DDX23: variants seen among roughly 807,000 people sequenced by gnomAD.
DDX23 encodes DEAD-box helicase 23, also known as probable ATP-dependent RNA helicase DDX23.
DDX23 carries 33 observed loss-of-function variants against 102.7 expected under a neutral mutation model. The ratio of observed to expected loss-of-function variants is 0.32; its 90% CI spans 0.24 to 0.43. The LOEUF is 0.43. Ranked by LOEUF, DDX23 falls within the 20% of genes least tolerant of loss-of-function variation. DDX23 has a pLI of 1.00. For synonymous variants in DDX23, 352 were observed against 376.0 expected (o/e 0.94, Z 0.74); for missense variants, 549 against 1,086.6 (o/e 0.51, Z 6.96).
rs1242140164 is a variant in DDX23 at position 48,837,798 on chromosome 12, A to G, written c.620-141T>C. 2.0e-6 allele frequency: 3 copies of G among 1,530,994 alleles called. No homozygotes were observed. The African/African-American group carries it at 4.2e-5, about 21-fold the overall frequency. The allele number at this position is 1,530,994 out of a possible 1,614,324, so 94.8% of individuals were successfully genotyped here. Reference sequence around the variant, plus strand: ...TATGGGGTAAATGGAGATCTAACAGAAAAATGTTTTCTCATAAACTCCCAC... The same window carrying G: ...TATGGGGTAAATGGAGATCTAACAGGAAAATGTTTTCTCATAAACTCCCAC... On this transcript the variant is annotated intron_variant, in intron 6 of 16. Coordinates refer to ENST00000308025, the MANE Select transcript of DDX23 (RefSeq NM_004818.3).
chr12:48,839,908 G>T lies in DDX23; in HGVS notation c.416C>A (p.Ala139Asp). 1 of 1,614,140 alleles carries T rather than the reference G, an allele frequency of 6.2e-7. No homozygotes were observed. The highest frequency in any genetic ancestry group is 1.1e-5 in the South Asian group (1 of 91,084). ...EDEHGDKKPK[A>D]QPLSLEELLA... ...AAGCTCCTCCAGGGATAATGGCTGG[G>T]CCTGAAGATAAAACAGAACTTTAGT... The change falls in exon 5 of 17, where the codon GCC becomes GAC. Residue 139 changes from alanine (A) to aspartate (D), a missense_variant and splice_region_variant. Coordinates refer to ENST00000308025, the MANE Select transcript of DDX23 (RefSeq NM_004818.3).
rs548880589 is a variant in DDX23 at position 48,838,801 on chromosome 12, C to T, written c.481-721G>A. ...CTGGGAGGCAGAGGTTGCAGTGAGC[C>T]GAGATCATGCCACTGCACTCCAGCC... On this transcript the variant is annotated intron_variant, in intron 5 of 16. Coordinates refer to ENST00000308025, the MANE Select transcript of DDX23 (RefSeq NM_004818.3). Among the ~76,000 whole-genome samples the T allele has an allele frequency of 2.0e-5, 3 of 151,906 alleles. No homozygotes were observed. In the South Asian group the frequency reaches 6.3e-4, roughly 32 times the overall value.
In DDX23 at chr12:48,833,393, C is replaced by A; in HGVS notation, c.1687G>T (p.Val563Phe). The A allele has an allele frequency of 6.2e-7, 1 of 1,614,230 alleles. No individual in the cohort carries two copies. The highest frequency in any genetic ancestry group is 8.5e-7 in the Non-Finnish European group (1 of 1,180,042). ...RMIDMGFEPD[V>F]QKILEHMPVS... is the part of the protein sequence containing the mutation. ...GGCATGTGCTCCAGGATCTTCTGGA[C>A]ATCTGGCTCAAAGCCCATGTCAATC... The change falls in exon 13 of 17, where the codon GTC becomes TTC. Residue 563 changes from valine (V) to phenylalanine (F), a missense_variant. Val to Phe is a conservative substitution (Grantham distance 50). Around this residue, in one of 4 missense-constraint regions of DDX23, gnomAD observed 270 missense variants for 707.0 expected, o/e 0.38. Transcript: ENST00000308025.
rs114757158 is a variant in DDX23 at position 48,844,641 on chromosome 12, T to A, written c.210-591A>T. ...TACTAGTTCCCTCTCAACTTTTTTT[T>A]TTTTTATTTTTAGTAGAGATCAGGT... On this transcript the variant is annotated intron_variant, in intron 2 of 16. Coordinates refer to ENST00000308025, the MANE Select transcript of DDX23 (RefSeq NM_004818.3). Among the ~76,000 whole-genome samples the A allele has an allele frequency of 7.8e-3, 1,180 of 150,946 alleles. 10 individuals carry two copies. Among genetic ancestry groups the A allele is most frequent in the African/African-American group, 0.021 (869 of 41,072 alleles).
intron 13 of DDX23, chr12:48,833,053 A>C: frequency 1.7e-6 from 1 of 592,032 alleles, no homozygotes; most frequent in Non-Finnish European, 2.9e-6. Context: ...GCACGACCTC[A>C]GCTCACTGCG....
intron 1 of DDX23, among the ~76,000 whole-genome samples, chr12:48,851,494 G>C (rs534021729): frequency 6.6e-6 from 1 of 151,424 alleles, no homozygotes; most frequent in South Asian, 2.1e-4. Flanking sequence ...GAAAAGAAAA[G>C]AAAAAAAAGA....
At chr12:48,834,215 C>A in intron 12 of DDX23, 105 bp downstream of exon 12, 4 of 1,093,696 alleles carry the variant, frequency 3.7e-6, no homozygotes, top group Non-Finnish European at 5.2e-6. Context: ...ATATATAAAC[C>A]AGCTCCTTTC....
rs1362281248 is a variant in DDX23, at chr12:48,830,241, C to A, written c.*228G>T. The stretch of plus-strand genomic sequence containing the variant: ...AAAGCAAAGAAGGGCAGAACTGGGC[C>A]AAGAAGCTGTGGTAATTTGCTCTCC... On this transcript the variant is annotated 3_prime_UTR_variant, in exon 17 of 17. Coordinates refer to ENST00000308025, the MANE Select transcript of DDX23 (RefSeq NM_004818.3). This position sits in a 1 kb window ranked among gnomAD's most constrained non-coding sequence, Gnocchi z 4.9. The A allele has an allele frequency of 3.0e-6, 2 of 663,134 alleles. No homozygotes were observed. Among genetic ancestry groups the A allele is most frequent in the Non-Finnish European group, 5.5e-6 (2 of 361,996 alleles). The allele number at this position is 663,134 out of a possible 1,614,324, so 41.1% of individuals were successfully genotyped here. A position where few individuals can be genotyped will look rare whatever the true frequency, so the allele number is the denominator to read the frequency against.
At position 48,832,628 on chromosome 12, in the gene DDX23, A is replaced by G; in HGVS notation, c.1804-55T>C. 1 of 1,590,694 alleles carries G rather than the reference A, an allele frequency of 6.3e-7. No homozygotes were observed. Among genetic ancestry groups the G allele is most frequent in the South Asian group, 1.1e-5 (1 of 89,050 alleles). ...CCAGGCAGGAATAATCATATATCCC[A>G]CTGTCACCGAAGGCAGGTCAGCCCA... On this transcript the variant is annotated intron_variant, in intron 13 of 16. Coordinates refer to ENST00000308025, the MANE Select transcript of DDX23 (RefSeq NM_004818.3). The surrounding 1 kb of genome is among the most constrained non-coding windows in gnomAD (Gnocchi z 4.4).
In DDX23 at chr12:48,832,301, CAAG is replaced by C; in HGVS notation, c.1955+118_1956-116del. The C allele has an allele frequency of 6.4e-7, 1 of 1,551,996 alleles. No individual in the cohort carries two copies. Among genetic ancestry groups the C allele is most frequent in the Admixed American group, 1.7e-5 (1 of 57,588 alleles). ...TCTTTAATGCCCATGACATTCTGCCCAAGAAAACAGCAGCTCTTCAACACAGCA... is the reference window on the plus strand; with the variant it reads ...TCTTTAATGCCCATGACATTCTGCCCAAAACAGCAGCTCTTCAACACAGCA... On this transcript the variant is annotated intron_variant, in intron 14 of 16. Coordinates refer to ENST00000308025, the MANE Select transcript of DDX23 (RefSeq NM_004818.3). The surrounding 1 kb of genome is among the most constrained non-coding windows in gnomAD (Gnocchi z 4.4).
rs529812199 is a variant in DDX23 at position 48,830,056 on chromosome 12, G to A, written c.*413C>T. 1 of 368,880 alleles carries A rather than the reference G, an allele frequency of 2.7e-6. No homozygotes were observed. The highest frequency in any genetic ancestry group is 7.2e-5 in the East Asian group (1 of 13,858). The allele number at this position is 368,880 out of a possible 1,614,324, so 22.9% of individuals were successfully genotyped here. A position where few individuals can be genotyped will look rare whatever the true frequency, so the allele number is the denominator to read the frequency against. On this transcript the variant is annotated 3_prime_UTR_variant, in exon 17 of 17. Transcript: ENST00000308025. This position sits in a 1 kb window ranked among gnomAD's most constrained non-coding sequence, Gnocchi z 4.9. The stretch of plus-strand genomic sequence containing the variant: ...TCCTCATGGTGCCAGGTCTCCTGGG[G>A]CATCTAGGGCAATGATGCTACTGCA...
At chr12:48,838,211 G>T in intron 5 of DDX23, 131 bp from the exon 6 acceptor site, 2 of 1,339,734 alleles carry the variant, frequency 1.5e-6, no homozygotes, top group Non-Finnish European at 2.0e-6. Flanking sequence ...ACACAAATAG[G>T]CCTTGGACTC....
At chr12:48,846,419 A>G (rs905872698) in intron 1 of DDX23, among the ~76,000 whole-genome samples, 2 of 152,208 alleles carry the variant, frequency 1.3e-5, no homozygotes, top group African/African-American at 4.8e-5. Flanking sequence ...GAAGTTTATT[A>G]GGTCTGCCAA....
chr12:48,833,545 T>G (rs764430796), intron 12 of DDX23, 26 bp from the exon 13 acceptor site: 2 of 1,607,734 alleles, frequency 1.2e-6, no homozygotes, highest in Non-Finnish European at 1.7e-6. Context: ...TAATCATTTA[T>G]AGCCCAGCAG....
chr12:48,849,188 G>A (rs936201638), intron 1 of DDX23, among the ~76,000 whole-genome samples: 5 of 151,698 alleles, frequency 3.3e-5, no homozygotes, highest in African/African-American at 7.3e-5. Context: ...CCAACTACAC[G>A]TTTGTCAGTT....
rs1451208154 is a variant in DDX23 at position 48,837,581 on chromosome 12, T to C, written c.696A>G (p.Glu232=). ...TCTCTTCCCGGATCTTCTGCCGCCC[T>C]TCCTCATCCTCATTTCCATTGGTCT... ...ERETNGNEDE[E]GRQKIREEKD... is the part of the protein sequence containing the mutation. Residue 232 remains glutamate, a synonymous_variant, in exon 7 of 17, where the codon GAA becomes GAG. Transcript: ENST00000308025. 6.2e-7 allele frequency: 1 copy of C among 1,614,166 alleles called. No individual in the cohort carries two copies.
chr12:48,844,040 G>A lies in DDX23; in HGVS notation c.220C>T (p.His74Tyr). 5.6e-6 allele frequency: 9 copies of A among 1,613,970 alleles called. No homozygotes were observed. Among genetic ancestry groups the A allele is most frequent in the Non-Finnish European group, 7.6e-6 (9 of 1,179,978 alleles). Residue 74 changes from histidine to tyrosine, a missense_variant, in exon 3 of 17, where the codon CAC (histidine) becomes TAC (tyrosine). His to Tyr is a moderately conservative substitution (Grantham distance 83). Coordinates refer to ENST00000308025, the MANE Select transcript of DDX23 (RefSeq NM_004818.3). ...RSKSAERERR[H>Y]KERERDKERD... ...TCCTTATCTCGTTCTCGTTCTTTGT[G>A]CCGTCGTTCTCTGGAAGACCGCAAA...
chr12:48,837,606 T>C lies in DDX23; in HGVS notation c.671A>G (p.Glu224Gly). 6.2e-7 allele frequency: 1 copy of C among 1,614,144 alleles called. No homozygotes were observed. Among genetic ancestry groups the C allele is most frequent in the Non-Finnish European group, 8.5e-7 (1 of 1,180,026 alleles). The stretch of plus-strand genomic sequence containing the variant: ...TTCCTCATCCTCATTTCCATTGGTC[T>C]CCCGTTCCATCCTCTCCCTGCGTTC... The part of the protein sequence containing the change: ...RRERRERMER[E>G]TNGNEDEEGR... Residue 224 changes from glutamate (E) to glycine (G), a missense_variant, in exon 7 of 17, where the codon GAG (glutamate) becomes GGG (glycine). Around this residue, in one of 4 missense-constraint regions of DDX23, gnomAD observed 270 missense variants for 707.0 expected, o/e 0.38. Transcript: ENST00000308025.
chr12:48,841,567 T>G (rs1225985540), intron 3 of DDX23, among the ~76,000 whole-genome samples: 1 of 152,204 alleles, frequency 6.6e-6, no homozygotes, highest in East Asian at 1.9e-4. Context: ...CCTGCCTGAT[T>G]CTCGTGCCTC....
Sources: gnomAD v4.1 joint callset for allele counts (sites outside exome capture counted in the v4.1 genomes callset) on GRCh38, gnomAD v4.1.1 for gene constraint, gnomAD v4.1.1 regional missense constraint, Gnocchi (gnomAD v3.1) non-coding constraint, MANE v1.5 for transcripts, NCBI Gene and HGNC (gene_info 2026-07-23, HGNC 2026-07-21) for gene names.